The following DSCAM variants were observed in gnomAD, a reference collection of about 807,000 sequenced individuals.
DSCAM encodes the protein cell adhesion molecule DSCAM.
DSCAM carries 47 observed loss-of-function variants against 217.7 expected under a neutral mutation model. That is an observed-to-expected ratio of 0.22 (90% CI 0.17 to 0.28). The LOEUF is 0.28. Ranked by LOEUF, DSCAM falls within the 10% of genes least tolerant of loss-of-function variation. The probability of loss-of-function intolerance (pLI) is 1.00; values close to 1 mark genes in which losing one functional copy is unlikely to be tolerated. For missense variants in DSCAM, 2,080 were observed against 2,618.3 expected, an observed-to-expected ratio of 0.79 and a Z score of 4.49; for synonymous variants, 1,056 against 1,015.3, an observed-to-expected ratio of 1.04 and a Z score of -0.76.
intron 3 of DSCAM, among the ~76,000 whole-genome samples, chr21:40,404,389 T>C (rs1412720601): frequency 6.6e-6 from 1 of 152,214 alleles, no homozygotes; most frequent in African/African-American, 2.4e-5. Flanking sequence ...AGTGATTTCC[T>C]AAGATCCAGT....
chr21:40,566,916 T>G (rs999305836), intron 3 of DSCAM, among the ~76,000 whole-genome samples: 2 of 152,092 alleles, frequency 1.3e-5, no homozygotes, highest in Non-Finnish European at 2.9e-5. Context: ...AAAGTGGGGA[T>G]GGACACAGGT....
chr21:40,695,841 A>G (rs1176001562), intron 2 of DSCAM, among the ~76,000 whole-genome samples: 1 of 152,156 alleles, frequency 6.6e-6, no homozygotes, highest in Non-Finnish European at 1.5e-5. Context: ...AAAAATGCAA[A>G]TCAGGGTTTT....
chr21:40,082,936 C>G (rs1440340584), intron 24 of DSCAM, among the ~76,000 whole-genome samples: 3 of 152,176 alleles, frequency 2.0e-5, no homozygotes, highest in Non-Finnish European at 4.4e-5. Flanking sequence ...CTCTGAAATG[C>G]TCCTGACTTC....
intron 11 of DSCAM, among the ~76,000 whole-genome samples, chr21:40,221,219 C>T (rs570941534): frequency 6.6e-6 from 1 of 152,102 alleles, no homozygotes; most frequent in African/African-American, 2.4e-5. Context: ...ACGGATCTCT[C>T]CCAGAACTAC....
intron 3 of DSCAM, among the ~76,000 whole-genome samples, chr21:40,644,881 ATTC>A (rs1397483246): frequency 6.6e-6 from 1 of 152,228 alleles, no homozygotes; most frequent in Non-Finnish European, 1.5e-5. Context: ...ATATATAGTC[ATTC>A]TTCTTTTTAA....
At chr21:40,783,374 G>A (rs1168418385) in intron 1 of DSCAM, among the ~76,000 whole-genome samples, 1 of 152,136 alleles carries the variant, frequency 6.6e-6, no homozygotes, top group African/African-American at 2.4e-5. Flanking sequence ...TGGAAGCCAG[G>A]GATGGGGAGA....
chr21:40,148,789 AC>A (rs1488089066), intron 16 of DSCAM, among the ~76,000 whole-genome samples: 1 of 152,090 alleles, frequency 6.6e-6, no homozygotes, highest in Non-Finnish European at 1.5e-5. Flanking sequence ...GAACACCACC[AC>A]CACCAGCAAT....
chr21:40,597,456 C>T (rs1405923382), intron 3 of DSCAM, among the ~76,000 whole-genome samples: 1 of 135,378 alleles, frequency 7.4e-6, no homozygotes, highest in African/African-American at 2.9e-5. Context: ...GTTTGCAAGC[C>T]GGTTTTTTTT....
rs544901814 is a variant in DSCAM at position 40,538,656 on chromosome 21, GTTTT to G, written c.508+154150_508+154153del. ...TTACTTTATTTTAATTTTCTGTTGT[GTTTT>G]GTTTTTCTTTCCTCCCAGTGTGGTC... is the stretch of plus-strand genomic sequence containing the variant. On this transcript the variant is annotated intron_variant, in intron 3 of 32. Coordinates refer to ENST00000400454, the MANE Select transcript of DSCAM (RefSeq NM_001389.5). Among the ~76,000 whole-genome samples the G allele has an allele frequency of 1.3e-3, 193 of 152,244 alleles. 3 individuals carry two copies. Among genetic ancestry groups the G allele is most frequent in the African/African-American group, 4.1e-3 (171 of 41,532 alleles).
chr21:40,020,475 A>G (rs1383321985), intron 32 of DSCAM, among the ~76,000 whole-genome samples: 1 of 152,090 alleles, frequency 6.6e-6, no homozygotes, highest in Non-Finnish European at 1.5e-5. Context: ...GCTGAGTGCA[A>G]TAAGACAGCA....
intron 32 of DSCAM, among the ~76,000 whole-genome samples, chr21:40,038,013 A>G (rs1189546479): frequency 6.8e-6 from 1 of 147,950 alleles, no homozygotes; most frequent in East Asian, 2.0e-4. Context: ...TACAAAAATC[A>G]ATTCAAGATG....
At chr21:40,279,882 T>C (rs1471657654) in intron 10 of DSCAM, among the ~76,000 whole-genome samples, 3 of 151,964 alleles carry the variant, frequency 2.0e-5, no homozygotes, top group South Asian at 4.1e-4. Context: ...AAACACCTCA[T>C]GTTCTCACTC....
chr21:40,478,040 T>C (rs2075952324), intron 3 of DSCAM, among the ~76,000 whole-genome samples: 1 of 152,168 alleles, frequency 6.6e-6, no homozygotes, highest in Non-Finnish European at 1.5e-5. Context: ...ACCCAGTATC[T>C]TGATTTCTAA....
At position 40,838,008 on chromosome 21, in the gene DSCAM, G is replaced by A. The variant is rs538522411; in HGVS notation, c.43+8611C>T. ...ACCCAAGATCAAATCACACCACAGCGGGGCTAACTGTGAAAAGAATTGAAT... is the reference window on the plus strand; with the variant it reads ...ACCCAAGATCAAATCACACCACAGCAGGGCTAACTGTGAAAAGAATTGAAT... On this transcript the variant is annotated intron_variant, in intron 1 of 32. Transcript: ENST00000400454. 1.2e-4 allele frequency among the ~76,000 whole-genome samples: 19 copies of A among 152,252 alleles called. No individual in the cohort carries two copies. The East Asian group carries it at 2.3e-3, about 19-fold the overall frequency.
chr21:40,013,139 C>G lies in DSCAM; in HGVS notation c.5934G>C (p.Glu1978Asp). 1 of 1,613,206 alleles carries G rather than the reference C, an allele frequency of 6.2e-7. No homozygotes were observed. The highest frequency in any genetic ancestry group is 8.5e-7 in the Non-Finnish European group (1 of 1,179,496). ...TGCTCATTTTAGCTGCCTGTCCCAGCTCTGCTCCCTCCCGCTGAGGTAATG... is the reference window on the plus strand; with the variant it reads ...TGCTCATTTTAGCTGCCTGTCCCAGGTCTGCTCCCTCCCGCTGAGGTAATG... ...VATLPQREGA[E>D]LGQAAKMSSS... is the part of the protein sequence containing the mutation. The change falls in exon 33 of 33, where the codon GAG becomes GAC. Residue 1978 changes from glutamate to aspartate, a missense_variant. Physicochemically the swap from Glu to Asp is conservative, Grantham distance 45. Around this residue, in one of 5 missense-constraint regions of DSCAM, gnomAD observed 145 missense variants for 138.5 expected, o/e 1.05. Transcript: ENST00000400454.
intron 3 of DSCAM, among the ~76,000 whole-genome samples, chr21:40,573,683 A>T (rs1362302415): frequency 6.6e-6 from 1 of 152,154 alleles, no homozygotes; most frequent in Non-Finnish European, 1.5e-5. Flanking sequence ...ATGAAAACAC[A>T]TAAAAGAAAA....
chr21:40,353,138 G>C lies in DSCAM; in HGVS notation c.934+327C>G, dbSNP rs150963009. Among the ~76,000 whole-genome samples, 821 of 152,250 alleles carry C rather than the reference G, an allele frequency of 5.4e-3. 6 individuals carry two copies. Among genetic ancestry groups the C allele is most frequent in the African/African-American group, 0.019 (777 of 41,552 alleles). On this transcript the variant is annotated intron_variant, in intron 5 of 32. Transcript: ENST00000400454. ...TCTCTGTTCATTTTTAGAGAGACTGGTTGTTGTGAATTCATCAGCTAGGAA... is the reference window on the plus strand; with the variant it reads ...TCTCTGTTCATTTTTAGAGAGACTGCTTGTTGTGAATTCATCAGCTAGGAA...
chr21:40,087,983 G>A (rs371854814), intron 21 of DSCAM, among the ~76,000 whole-genome samples: 12 of 152,298 alleles, frequency 7.9e-5, no homozygotes, highest in Middle Eastern at 3.4e-3. Context: ...AGCAATGAGA[G>A]GTTCTAGTGC....
At chr21:40,311,772 T>G (rs1021666568) in intron 9 of DSCAM, among the ~76,000 whole-genome samples, 1 of 152,078 alleles carries the variant, frequency 6.6e-6, no homozygotes, top group African/African-American at 2.4e-5. Context: ...CTCACGGACG[T>G]TAGTCCTCAA....
Sources: gnomAD v4.1 joint callset for allele counts (sites outside exome capture counted in the v4.1 genomes callset) on GRCh38, gnomAD v4.1.1 for gene constraint, gnomAD v4.1.1 regional missense constraint, MANE v1.5 for transcripts, NCBI Gene and HGNC (gene_info 2026-07-23, HGNC 2026-07-21) for gene names.